SDC1: variants seen among roughly 807,000 people sequenced by gnomAD.
SDC1 encodes syndecan-1.
Under a neutral mutation model 29.7 loss-of-function variants are expected in SDC1, and 14 were observed. That is an observed-to-expected ratio of 0.47 (90% CI 0.31 to 0.74). SDC1 has a LOEUF of 0.74. SDC1 is among the 30% of genes least tolerant of loss of function. The probability of loss-of-function intolerance (pLI) is 0.05; values close to 1 mark genes in which losing one functional copy is unlikely to be tolerated. For missense variants in SDC1, 406 were observed against 400.3 expected (o/e 1.01, Z -0.12); for synonymous variants, 204 against 175.5 (o/e 1.16, Z -1.29).
At chr2:20,220,546 A>G (rs950275682) in intron 1 of SDC1, among the ~76,000 whole-genome samples, 16 of 152,252 alleles carry the variant, frequency 1.1e-4, no homozygotes, top group Admixed American at 6.5e-5. Context: ...AGGCACTCAA[A>G]AAAAGGTAAC....
intron 1 of SDC1, among the ~76,000 whole-genome samples, chr2:20,222,384 G>A (rs1446860765): frequency 1.3e-5 from 2 of 152,204 alleles, no homozygotes; most frequent in Non-Finnish European, 2.9e-5. Flanking sequence ...AGAGCTTTGG[G>A]AAGGCAGTGC....
upstream of SDC1, chr2:20,225,133 C>T (rs971710379): frequency 2.9e-5 from 8 of 275,844 alleles, no homozygotes; most frequent in Non-Finnish European, 4.6e-5. Flanking sequence ...CAAAAACTGG[C>T]CCCCCACCCC....
chr2:20,203,165 G>A lies in SDC1; in HGVS notation c.685C>T (p.Arg229Cys), dbSNP rs201690408. Residue 229 changes from arginine to cysteine, a missense_variant, in exon 4 of 5, where the codon CGC becomes TGC. Coordinates refer to ENST00000254351, the MANE Select transcript of SDC1 (RefSeq NM_002997.5). ...TGATCCACTGGGGACTGGTTCCGGC[G>A]GTCAGGCTCCACGGCCACTACAGCC... ...NTAVVAVEPDRRNQSPVDQGA... is the reference protein window; with the variant it reads ...NTAVVAVEPDCRNQSPVDQGA... The A allele has an allele frequency of 2.9e-5, 47 of 1,613,084 alleles. No individual in the cohort carries two copies. The African/African-American group carries it at 4.5e-4, about 16-fold the overall frequency.
chr2:20,224,803 G>T lies in SDC1; in HGVS notation c.65C>A (p.Pro22Gln). Residue 22 changes from proline (P) to glutamine (Q), a missense_variant and splice_region_variant, in exon 1 of 5, where the codon CCG becomes CAG. Coordinates refer to ENST00000254351, the MANE Select transcript of SDC1 (RefSeq NM_002997.5). This position sits in a 1 kb window ranked among gnomAD's most constrained non-coding sequence, Gnocchi z 4.9. ...CGCCTGGCCGCCGGCCGCACTCACC[G>T]GCAGGGCCGGCTGCAGGCTCAGCGC... is the stretch of plus-strand genomic sequence containing the variant. ...ALALSLQPAL[P>Q]QIVATNLPPE... is the part of the protein sequence containing the mutation. The T allele has an allele frequency of 1.5e-6, 2 of 1,303,554 alleles. No individual in the cohort carries two copies. Among genetic ancestry groups the T allele is most frequent in the Non-Finnish European group, 1.9e-6 (2 of 1,026,026 alleles). The allele number at this position is 1,303,554 out of a possible 1,614,324, so 80.7% of individuals were successfully genotyped here. A position where few individuals can be genotyped will look rare whatever the true frequency, so the allele number is the denominator to read the frequency against.
In SDC1 at chr2:20,224,828, C is replaced by A; in HGVS notation, c.40G>T (p.Ala14Ser). Residue 14 changes from alanine to serine, a missense_variant, in exon 1 of 5, where the codon GCG becomes TCG. By Grantham distance (99) the Ala-to-Ser change is moderately conservative. Transcript: ENST00000254351. This position sits in a 1 kb window ranked among gnomAD's most constrained non-coding sequence, Gnocchi z 4.9. ...GGCAGGGCCGGCTGCAGGCTCAGCG[C>A]CAGCGCGCACAGCCAGAGCCAGAGC... ...AALWLWLCALALSLQPALPQI... is the reference protein window; with the variant it reads ...AALWLWLCALSLSLQPALPQI... The A allele has an allele frequency of 1.5e-6, 2 of 1,290,534 alleles. No individual in the cohort carries two copies. Among genetic ancestry groups the A allele is most frequent in the South Asian group, 2.4e-5 (1 of 41,592 alleles). 79.9% of individuals were successfully genotyped at this position (1,290,534 alleles called of 1,614,324 possible).
intron 1 of SDC1, 35 bp from the exon 2 acceptor site, chr2:20,205,459 C>T: frequency 6.4e-7 from 1 of 1,574,200 alleles, no homozygotes; most frequent in Non-Finnish European, 8.7e-7. Context: ...TGAGTAAAGG[C>T]TTGGCCGGGT....
At chr2:20,216,252 G>A (rs1359220037) in intron 1 of SDC1, among the ~76,000 whole-genome samples, 4 of 152,196 alleles carry the variant, frequency 2.6e-5, no homozygotes, top group African/African-American at 7.2e-5. Flanking sequence ...GGGGGGCAGG[G>A]CCTGAAGATC....
At chr2:20,221,421 CA>C (rs1339477472) in intron 1 of SDC1, among the ~76,000 whole-genome samples, 4 of 152,176 alleles carry the variant, frequency 2.6e-5, no homozygotes, top group Admixed American at 6.5e-5. Context: ...GGCAGAGGGG[CA>C]AAGTGCTCTT....
intron 1 of SDC1, among the ~76,000 whole-genome samples, chr2:20,208,751 C>T (rs1677367155): frequency 6.6e-6 from 1 of 152,184 alleles, no homozygotes; most frequent in South Asian, 2.1e-4. Flanking sequence ...CAAGGCTGCT[C>T]AGGAACAGGT....
In SDC1 at chr2:20,202,288, C is replaced by T. The variant is rs375808587; in HGVS notation, c.*478G>A. 43 of 779,074 alleles carry T rather than the reference C, an allele frequency of 5.5e-5. No individual in the cohort carries two copies. In the Middle Eastern group the frequency reaches 6.7e-4, roughly 12 times the overall value. The allele number at this position is 779,074 out of a possible 1,614,324, so 48.3% of individuals were successfully genotyped here. ...TCGATATCTAGATTAGACCTCCCCA[C>T]GAAACAAAGTGGACTCCTGTCCCCT... On this transcript the variant is annotated 3_prime_UTR_variant, in exon 5 of 5. Coordinates refer to ENST00000254351, the MANE Select transcript of SDC1 (RefSeq NM_002997.5).
At chr2:20,205,987 T>A (rs1462572988) in intron 1 of SDC1, among the ~76,000 whole-genome samples, 1 of 152,232 alleles carries the variant, frequency 6.6e-6, no homozygotes, top group Non-Finnish European at 1.5e-5. Context: ...GGGGCAGGGC[T>A]GGGCACAAGG....
intron 1 of SDC1, among the ~76,000 whole-genome samples, chr2:20,219,817 A>G (rs1396173145): frequency 6.6e-6 from 1 of 152,196 alleles, no homozygotes; most frequent in African/African-American, 2.4e-5. Context: ...CCAGTTCCTC[A>G]TGGGCTGTCC....
At chr2:20,210,554 C>T (rs1462713568) in intron 1 of SDC1, among the ~76,000 whole-genome samples, 2 of 152,230 alleles carry the variant, frequency 1.3e-5, no homozygotes, top group Admixed American at 1.3e-4. Context: ...GCCTCTGATT[C>T]GCAGTCATTC....
chr2:20,210,309 T>C (rs973835894), intron 1 of SDC1, among the ~76,000 whole-genome samples: 1 of 152,024 alleles, frequency 6.6e-6, no homozygotes, highest in Non-Finnish European at 1.5e-5. Flanking sequence ...CCAGGAGCTT[T>C]TGGAGAAAAG....
intron 1 of SDC1, among the ~76,000 whole-genome samples, chr2:20,210,889 G>A (rs1202448992): frequency 4.6e-5 from 7 of 151,810 alleles, no homozygotes; most frequent in African/African-American, 1.5e-4. Flanking sequence ...TCCACACAAT[G>A]GCAAATGTCC....
intron 1 of SDC1, among the ~76,000 whole-genome samples, chr2:20,218,563 A>G (rs556271751): frequency 9.2e-4 from 139 of 151,408 alleles, no homozygotes; most frequent in Admixed American, 2.6e-3. Context: ...ACACAGAGAC[A>G]CACATATACA....
chr2:20,204,675 C>T (rs1228241215), intron 2 of SDC1, among the ~76,000 whole-genome samples: 1 of 152,164 alleles, frequency 6.6e-6, no homozygotes, highest in African/African-American at 2.4e-5. Context: ...AAGGCCCCCA[C>T]TTCCAACAAC....
chr2:20,215,545 G>T (rs1029846503), intron 1 of SDC1, among the ~76,000 whole-genome samples: 2 of 152,210 alleles, frequency 1.3e-5, no homozygotes, highest in African/African-American at 4.8e-5. Context: ...GCTCAGGCTG[G>T]GTCAGACTGC....
chr2:20,223,736 C>G (rs1677898499), intron 1 of SDC1, among the ~76,000 whole-genome samples: 1 of 152,212 alleles, frequency 6.6e-6, no homozygotes, highest in Admixed American at 6.5e-5. Flanking sequence ...TTACAGGGGC[C>G]GAGAACAAAG....
Sources: allele counts gnomAD v4.1 joint callset (sites outside exome capture counted in the v4.1 genomes callset), GRCh38; gene constraint gnomAD v4.1.1; non-coding constraint Gnocchi (gnomAD v3.1); transcripts MANE v1.5; gene names NCBI Gene and HGNC (gene_info 2026-07-23, HGNC 2026-07-21).